TMEM178B: variants seen among roughly 807,000 people sequenced by gnomAD.
The protein encoded by TMEM178B is transmembrane protein 178B.
In TMEM178B, 5 loss-of-function variants were observed where a neutral mutation model predicts 31.0. The ratio of observed to expected loss-of-function variants is 0.16; its 90% CI spans 0.08 to 0.34. The LOEUF is 0.34. TMEM178B is among the 10% of genes least tolerant of loss of function. TMEM178B has a pLI of 1.00. For synonymous variants in TMEM178B, 164 were observed against 164.0 expected (o/e 1.00, Z 0.00); for missense variants, 275 against 400.3 (o/e 0.69, Z 2.67).
At position 141,094,731 on chromosome 7, in the gene TMEM178B, A is replaced by G. The variant is rs562489314; in HGVS notation, c.382+20039A>G. Among the ~76,000 whole-genome samples, 4 of 152,334 alleles carry G rather than the reference A, an allele frequency of 2.6e-5. No individual in the cohort carries two copies. The South Asian group carries it at 6.2e-4, about 24-fold the overall frequency. On this transcript the variant is annotated intron_variant, in intron 1 of 3. Coordinates refer to ENST00000565468, the MANE Select transcript of TMEM178B (RefSeq NM_001195278.2). ...TTTCTGCAGTTTTTAATTTAATAGCATCACTCTAATTAGAATTTAGGGTGC... is the reference window on the plus strand; with the variant it reads ...TTTCTGCAGTTTTTAATTTAATAGCGTCACTCTAATTAGAATTTAGGGTGC...
intron 2 of TMEM178B, among the ~76,000 whole-genome samples, chr7:141,309,606 T>TAG (rs1383461806): frequency 1.3e-5 from 2 of 152,208 alleles, no homozygotes; most frequent in Non-Finnish European, 2.9e-5. Context: ...TATTAATTTT[T>TAG]TATCTTCTCT....
Position 141,074,714 on chromosome 7 carries a change from T to G in TMEM178B, c.382+22T>G. On this transcript the variant is annotated intron_variant, in intron 1 of 3. Coordinates refer to ENST00000565468, the MANE Select transcript of TMEM178B (RefSeq NM_001195278.2). This position sits in a 1 kb window ranked among gnomAD's most constrained non-coding sequence, Gnocchi z 5.1. The stretch of plus-strand genomic sequence containing the variant: ...AAAGGTAAGCGCCGGGCGCAAGGCG[T>G]GGCGCTGCGGAGAGCCCGGCGCCTT... 6.8e-7 allele frequency: 1 copy of G among 1,460,158 alleles called. No homozygotes were observed. Among genetic ancestry groups the G allele is most frequent in the South Asian group, 1.4e-5 (1 of 72,336 alleles). 90.5% of individuals were successfully genotyped at this position (1,460,158 alleles called of 1,614,324 possible).
At chr7:141,250,998 A>G (rs559674411) in intron 2 of TMEM178B, among the ~76,000 whole-genome samples, 1 of 152,102 alleles carries the variant, frequency 6.6e-6, no homozygotes, top group Non-Finnish European at 1.5e-5. Flanking sequence ...TTTCCTTTGC[A>G]TTCAACTCTA....
At chr7:141,304,843 G>A (rs902500959) in intron 2 of TMEM178B, among the ~76,000 whole-genome samples, 1 of 152,108 alleles carries the variant, frequency 6.6e-6, no homozygotes, top group African/African-American at 2.4e-5. Context: ...CAAGTCCTGT[G>A]ATTTCTGTGT....
intron 1 of TMEM178B, among the ~76,000 whole-genome samples, chr7:141,085,658 T>C (rs1363188984): frequency 6.6e-6 from 1 of 151,522 alleles, no homozygotes; most frequent in Non-Finnish European, 1.5e-5. Flanking sequence ...TCAATTTCTC[T>C]TCATCTTTAT....
chr7:141,383,164 CT>C (rs891921673), intron 2 of TMEM178B, among the ~76,000 whole-genome samples: 7 of 104,270 alleles, frequency 6.7e-5, no homozygotes, highest in South Asian at 2.5e-4. Context: ...TTCTTTCTTT[CT>C]TTTTTTTTAA....
At chr7:141,345,949 G>T (rs1337652532) in intron 2 of TMEM178B, among the ~76,000 whole-genome samples, 1 of 152,126 alleles carries the variant, frequency 6.6e-6, no homozygotes. Flanking sequence ...ATATGATTCA[G>T]ATCTTATCTA....
chr7:141,300,989 C>T (rs894953398), intron 2 of TMEM178B, among the ~76,000 whole-genome samples: 3 of 152,224 alleles, frequency 2.0e-5, no homozygotes, highest in Non-Finnish European at 4.4e-5. Flanking sequence ...CCCCACATCT[C>T]TCTTTGGCTT....
intron 1 of TMEM178B, among the ~76,000 whole-genome samples, chr7:141,129,367 G>A (rs1237353777): frequency 6.6e-6 from 1 of 152,160 alleles, no homozygotes; most frequent in Non-Finnish European, 1.5e-5. Flanking sequence ...GCTTAGATTA[G>A]TTAGAAATTT....
intron 2 of TMEM178B, among the ~76,000 whole-genome samples, chr7:141,285,508 T>C (rs917583590): frequency 4.6e-5 from 7 of 152,076 alleles, no homozygotes; most frequent in Non-Finnish European, 8.8e-5. Context: ...GATCATCATA[T>C]AGTACATATT....
At chr7:141,335,632 T>C (rs1447782733) in intron 2 of TMEM178B, among the ~76,000 whole-genome samples, 1 of 152,168 alleles carries the variant, frequency 6.6e-6, no homozygotes, top group African/African-American at 2.4e-5. Context: ...GATTACTATT[T>C]TCCCCCCTTT....
At position 141,422,767 on chromosome 7, in the gene TMEM178B, T is replaced by C. The variant is rs1220853146; in HGVS notation, c.497-14841T>C. ...AGTGGCTGGAGTGGGGAAGCTCCCA[T>C]GGGGAGAGAATAGAAATGCAAGAAA... On this transcript the variant is annotated intron_variant, in intron 2 of 3. Transcript: ENST00000565468. This position sits in a 1 kb window ranked among gnomAD's most constrained non-coding sequence, Gnocchi z 4.2. Among the ~76,000 whole-genome samples, 1 of 152,082 alleles carries C rather than the reference T, an allele frequency of 6.6e-6. No homozygotes were observed. Among genetic ancestry groups the C allele is most frequent in the Non-Finnish European group, 1.5e-5 (1 of 67,998 alleles).
intron 2 of TMEM178B, among the ~76,000 whole-genome samples, chr7:141,309,579 G>C (rs1798873503): frequency 6.6e-6 from 1 of 152,112 alleles, no homozygotes; most frequent in African/African-American, 2.4e-5. Context: ...TTTCCACTTT[G>C]ATAGATTAGG....
intron 2 of TMEM178B, among the ~76,000 whole-genome samples, chr7:141,305,214 TA>T (rs1347855393): frequency 2.6e-5 from 4 of 152,194 alleles, no homozygotes; most frequent in Non-Finnish European, 5.9e-5. Context: ...GAAGGAGCAG[TA>T]AAAGCCATGA....
At position 141,074,305 on chromosome 7, in the gene TMEM178B, G is replaced by C; in HGVS notation, c.-6G>C. ...CATGCCCATGGTGTAGCCGCCAAGC[G>C]GAGGCATGGCTGCCGGAAGGTTACT... On this transcript the variant is annotated 5_prime_UTR_variant, in exon 1 of 4. Coordinates refer to ENST00000565468, the MANE Select transcript of TMEM178B (RefSeq NM_001195278.2). This position sits in a 1 kb window ranked among gnomAD's most constrained non-coding sequence, Gnocchi z 5.1. 6.6e-7 allele frequency: 1 copy of C among 1,512,322 alleles called. No homozygotes were observed. The highest frequency in any genetic ancestry group is 8.8e-7 in the Non-Finnish European group (1 of 1,131,202). The allele number at this position is 1,512,322 out of a possible 1,614,324, so 93.7% of individuals were successfully genotyped here.
intron 3 of TMEM178B, among the ~76,000 whole-genome samples, chr7:141,443,526 G>T (rs760038691): frequency 6.6e-6 from 1 of 152,156 alleles, no homozygotes; most frequent in Non-Finnish European, 1.5e-5. Context: ...TTTTTCTCAC[G>T]ATTAGACTGG....
At chr7:141,480,759 G>C (rs1201496789), downstream of TMEM178B, among the ~76,000 whole-genome samples, 1 of 152,220 alleles carries the variant, frequency 6.6e-6, no homozygotes, top group Non-Finnish European at 1.5e-5. Flanking sequence ...AGTGAAGAGA[G>C]AAATTTCTCT....
At chr7:141,402,067 C>T (rs942900888) in intron 2 of TMEM178B, among the ~76,000 whole-genome samples, 8 of 152,148 alleles carry the variant, frequency 5.3e-5, no homozygotes, top group Admixed American at 2.6e-4. Flanking sequence ...AATGCTGCAG[C>T]GTGTAAGGTA....
At chr7:141,272,360 A>G (rs985562275) in intron 2 of TMEM178B, among the ~76,000 whole-genome samples, 1 of 152,244 alleles carries the variant, frequency 6.6e-6, no homozygotes, top group Non-Finnish European at 1.5e-5. Context: ...GAATTTTACT[A>G]GCATAATTCA....
Sources: allele counts gnomAD v4.1 joint callset (sites outside exome capture counted in the v4.1 genomes callset), GRCh38; gene constraint gnomAD v4.1.1; non-coding constraint Gnocchi (gnomAD v3.1); transcripts MANE v1.5; gene names NCBI Gene and HGNC (gene_info 2026-07-23, HGNC 2026-07-21).